The following PARD3 variants were observed in gnomAD, a reference collection of about 807,000 sequenced individuals.
PARD3 encodes the protein par-3 family cell polarity regulator.
A neutral mutation model predicts 155.4 loss-of-function variants in PARD3; 75 were observed. The ratio of observed to expected loss-of-function variants is 0.48; its 90% CI spans 0.40 to 0.58. The LOEUF is 0.58. PARD3 is among the 20% of genes least tolerant of loss of function. The pLI, the probability that PARD3 is intolerant of heterozygous loss-of-function variation, is 0.00. For synonymous variants in PARD3, 576 were observed against 610.5 expected (o/e 0.94, Z 0.83); for missense variants, 1,642 against 1,721.7 (o/e 0.95, Z 0.82).
chr10:34,187,015 C>T (rs900764560), intron 22 of PARD3, among the ~76,000 whole-genome samples: 3 of 152,186 alleles, frequency 2.0e-5, no homozygotes, highest in African/African-American at 7.2e-5. Context: ...AGTATGAACT[C>T]ACAATTCAGT....
chr10:34,514,581 C>T (rs1410098209), intron 3 of PARD3, among the ~76,000 whole-genome samples: 1 of 152,218 alleles, frequency 6.6e-6, no homozygotes, highest in East Asian at 1.9e-4. Flanking sequence ...ATCTGAAAAT[C>T]TAAACCTTAG....
intron 7 of PARD3, among the ~76,000 whole-genome samples, chr10:34,396,138 T>C (rs1362507851): frequency 2.0e-5 from 3 of 152,140 alleles, no homozygotes; most frequent in Admixed American, 6.6e-5. Flanking sequence ...TCACTTGAGA[T>C]CAAGTGTTCC....
intron 2 of PARD3, among the ~76,000 whole-genome samples, chr10:34,617,028 G>A (rs2132673489): frequency 6.6e-6 from 1 of 151,988 alleles, no homozygotes; most frequent in Non-Finnish European, 1.5e-5. Flanking sequence ...GGCCAAGGCG[G>A]GGATCTCTTG....
chr10:34,396,837 G>C (rs1194622152), intron 7 of PARD3, among the ~76,000 whole-genome samples: 3 of 151,404 alleles, frequency 2.0e-5, no homozygotes, highest in African/African-American at 7.3e-5. Flanking sequence ...ATTTACTCTT[G>C]CACAAGCCAC....
At chr10:34,116,503 T>C (rs1946680788) in intron 24 of PARD3, among the ~76,000 whole-genome samples, 1 of 152,226 alleles carries the variant, frequency 6.6e-6, no homozygotes, top group Non-Finnish European at 1.5e-5. Context: ...CCTGACCTCC[T>C]GTTTGCTTTC....
At chr10:34,634,514 G>C (rs753177495) in intron 2 of PARD3, among the ~76,000 whole-genome samples, 1 of 152,124 alleles carries the variant, frequency 6.6e-6, no homozygotes, top group African/African-American at 2.4e-5. Context: ...TACTACTGCT[G>C]TTATAACTAA....
intron 1 of PARD3, among the ~76,000 whole-genome samples, chr10:34,776,885 G>A (rs1564608966): frequency 6.7e-6 from 1 of 149,808 alleles, no homozygotes; most frequent in Non-Finnish European, 1.5e-5. Context: ...CGCCCAGGCT[G>A]GAGTGCAATG....
At chr10:34,260,998 C>T (rs1954927477) in intron 22 of PARD3, among the ~76,000 whole-genome samples, 1 of 152,130 alleles carries the variant, frequency 6.6e-6, no homozygotes, top group Non-Finnish European at 1.5e-5. Flanking sequence ...TGGTAAAATG[C>T]ATGCAAAAAG....
intron 4 of PARD3, among the ~76,000 whole-genome samples, chr10:34,456,153 A>G (rs1258703350): frequency 2.6e-5 from 4 of 152,214 alleles, no homozygotes; most frequent in Non-Finnish European, 5.9e-5. Flanking sequence ...CGGGATCATT[A>G]GTGATAATTA....
intron 1 of PARD3, among the ~76,000 whole-genome samples, chr10:34,783,960 G>A (rs528422777): frequency 6.6e-6 from 1 of 152,254 alleles, no homozygotes; most frequent in Non-Finnish European, 1.5e-5. Flanking sequence ...TGTAGACCCA[G>A]TACTTTAACA....
intron 14 of PARD3, among the ~76,000 whole-genome samples, chr10:34,354,234 T>C (rs892766987): frequency 2.6e-5 from 4 of 151,608 alleles, no homozygotes; most frequent in Admixed American, 6.6e-5. Flanking sequence ...AAAAATTAGC[T>C]GGGCGTGGTG....
At chr10:34,123,576 C>T (rs1306712203) in intron 23 of PARD3, among the ~76,000 whole-genome samples, 1 of 152,046 alleles carries the variant, frequency 6.6e-6, no homozygotes, top group Non-Finnish European at 1.5e-5. Flanking sequence ...CAGGTATGCA[C>T]CACCATGCCT....
intron 2 of PARD3, among the ~76,000 whole-genome samples, chr10:34,542,763 A>G (rs1480378351): frequency 1.3e-5 from 2 of 152,254 alleles, no homozygotes; most frequent in Non-Finnish European, 2.9e-5. Flanking sequence ...AACTAAAAAA[A>G]AGCATAAAGC....
chr10:34,456,437 C>T (rs1454855408), intron 4 of PARD3, among the ~76,000 whole-genome samples: 1 of 152,090 alleles, frequency 6.6e-6, no homozygotes, highest in East Asian at 1.9e-4. Context: ...GCTGGGATTA[C>T]AGGCACCCAC....
chr10:34,490,702 A>G (rs1018862853), intron 3 of PARD3, among the ~76,000 whole-genome samples: 1 of 152,204 alleles, frequency 6.6e-6, no homozygotes, highest in African/African-American at 2.4e-5. Context: ...TTTCTTACAT[A>G]TACTGTTCCT....
chr10:34,154,686 C>A (rs1399113499), intron 22 of PARD3, among the ~76,000 whole-genome samples: 1 of 152,154 alleles, frequency 6.6e-6, no homozygotes, highest in Non-Finnish European at 1.5e-5. Context: ...CCACCTCTCA[C>A]GTTTCGAGAG....
At chr10:34,501,933 G>C (rs893441489) in intron 3 of PARD3, among the ~76,000 whole-genome samples, 1 of 152,164 alleles carries the variant, frequency 6.6e-6, no homozygotes, top group Non-Finnish European at 1.5e-5. Flanking sequence ...CTTGTGGGAA[G>C]CTGTGTCCTC....
At chr10:34,427,511 A>G (rs1390343449) in intron 5 of PARD3, among the ~76,000 whole-genome samples, 1 of 152,162 alleles carries the variant, frequency 6.6e-6, no homozygotes, top group Non-Finnish European at 1.5e-5. Context: ...ATCAATGACA[A>G]TGCATGCACA....
chr10:34,190,596 C>A (rs191923165), intron 22 of PARD3, among the ~76,000 whole-genome samples: 1 of 152,076 alleles, frequency 6.6e-6, no homozygotes, highest in Non-Finnish European at 1.5e-5. Flanking sequence ...GAAACACTGC[C>A]GTAGTCTTAT....
Sources: gnomAD v4.1 joint callset for allele counts (sites outside exome capture counted in the v4.1 genomes callset) on GRCh38, gnomAD v4.1.1 for gene constraint, MANE v1.5 for transcripts, NCBI Gene and HGNC (gene_info 2026-07-23, HGNC 2026-07-21) for gene names.